POLE: variants seen among roughly 807,000 people sequenced by gnomAD.
The protein encoded by POLE is DNA polymerase epsilon, catalytic subunit, also known as DNA polymerase epsilon catalytic subunit A.
A neutral mutation model predicts 279.2 loss-of-function variants in POLE; 188 were observed. That is an observed-to-expected ratio of 0.67 (90% CI 0.60 to 0.76). POLE has a LOEUF of 0.76. Among genes scored for constraint, POLE ranks in the 30% least tolerant of loss-of-function variants. The pLI, the probability that POLE is intolerant of heterozygous loss-of-function variation, is 0.00. For synonymous variants in POLE, 1,214 were observed against 1,172.5 expected (o/e 1.04, Z -0.72); for missense variants, 2,703 against 3,016.7 (o/e 0.90, Z 2.44).
intron 29 of POLE, chr12:132,650,427 C>T (rs2042396570): frequency 6.5e-6 from 1 of 154,954 alleles, no homozygotes; most frequent in Non-Finnish European, 1.4e-5. Context: ...CTAGCCTGGC[C>T]AACATGGTGA....
Position 132,639,455 on chromosome 12 carries a change from C to T in POLE, c.5379-157G>A, listed in dbSNP as rs575470726. On this transcript the variant is annotated intron_variant, in intron 39 of 48. Coordinates refer to ENST00000320574, the MANE Select transcript of POLE (RefSeq NM_006231.4). This position sits in a 1 kb window ranked among gnomAD's most constrained non-coding sequence, Gnocchi z 4.7. The stretch of plus-strand genomic sequence containing the variant: ...TTCTCACTGTCCCCACCTTAAGTCA[C>T]GGTCCAAATTTCATCCCTTCACCCT... Among the ~76,000 whole-genome samples the T allele has an allele frequency of 9.3e-4, 142 of 152,334 alleles. No homozygotes were observed. The highest frequency in any genetic ancestry group is 3.2e-3 in the African/African-American group (131 of 41,572).
chr12:132,676,065 G>A lies in POLE; in HGVS notation c.1020+29C>T, dbSNP rs369332806. ...ACATGTCCGTTCTTCCCACAATACC[G>A]GGTAGTTTCCCAAGTGATACCTCCT... On this transcript the variant is annotated intron_variant, in intron 10 of 48. Transcript: ENST00000320574. 6.9e-5 allele frequency: 97 copies of A among 1,399,400 alleles called. No homozygotes were observed. In the African/African-American group the frequency reaches 8.9e-4, roughly 13 times the overall value. The allele number at this position is 1,399,400 out of a possible 1,614,324, so 86.7% of individuals were successfully genotyped here.
Position 132,665,428 on chromosome 12 carries a change from G to A in POLE, c.2342C>T (p.Ala781Val), listed in dbSNP as rs1060500855. The change falls in exon 21 of 49, where the codon GCG (alanine) becomes GTG (valine). Residue 781 changes from alanine to valine, a missense_variant. Physicochemically the swap from Ala to Val is moderately conservative, Grantham distance 64 (BLOSUM62 0). Transcript: ENST00000320574. Reference protein sequence around the residue: ...LHKVWKKKLSAAVEVGDAAEV... With the variant: ...LHKVWKKKLSVAVEVGDAAEV... Reference sequence around the variant, plus strand: ...AGCCGCGTCGCCCACCTCCACGGCCGCCGAGAGCTTCTTTTTCCACACCTG... The same window carrying A: ...AGCCGCGTCGCCCACCTCCACGGCCACCGAGAGCTTCTTTTTCCACACCTG... The A allele has an allele frequency of 1.5e-5, 24 of 1,611,486 alleles. No individual in the cohort carries two copies. Among genetic ancestry groups the A allele is most frequent in the Admixed American group, 6.7e-5 (4 of 59,968 alleles).
At position 132,668,349 on chromosome 12, in the gene POLE, C is replaced by T. The variant is rs1300924389; in HGVS notation, c.2173+7G>A. The stretch of plus-strand genomic sequence containing the variant: ...CTTTACAGCCGTGACCATGCCCAGG[C>T]ACTCACCCGCCAGCCTTCTCTTCTC... On this transcript the variant is annotated splice_region_variant and intron_variant, in intron 19 of 48. Transcript: ENST00000320574. The surrounding 1 kb of genome is among the most constrained non-coding windows in gnomAD (Gnocchi z 4.0). 1 of 1,561,168 alleles carries T rather than the reference C, an allele frequency of 6.4e-7. No individual in the cohort carries two copies. The highest frequency in any genetic ancestry group is 8.7e-7 in the Non-Finnish European group (1 of 1,152,222).
At chr12:132,685,710 A>AC (rs1277289716) in intron 1 of POLE, among the ~76,000 whole-genome samples, 1 of 152,104 alleles carries the variant, frequency 6.6e-6, no homozygotes, top group African/African-American at 2.4e-5. Flanking sequence ...GTTCCAACAC[A>AC]CCATGTAGAC....
intron 25 of POLE, 40 bp from the exon 26 acceptor site, chr12:132,659,549 G>A (rs772307945): frequency 3.2e-6 from 5 of 1,563,698 alleles, no homozygotes; most frequent in East Asian, 2.2e-5. Context: ...AGAAATCAAG[G>A]GGCAGAGTCT....
chr12:132,642,330 C>A lies in POLE; in HGVS notation c.5020G>T (p.Ala1674Ser), dbSNP rs774729856. The A allele has an allele frequency of 1.3e-6, 2 of 1,596,424 alleles. No individual in the cohort carries two copies. Among genetic ancestry groups the A allele is most frequent in the South Asian group, 1.1e-5 (1 of 88,326 alleles). ...TGGTTGTGGCGCTGGAGGTGGCGGG[C>A]AAAGAAGAGGTCGGAGCCGAATGTG... ...ISTFGSDLFF[A>S]RHLQRHNHLL... The change falls in exon 38 of 49, where the codon GCC becomes TCC. Residue 1674 changes from alanine (A) to serine (S), a missense_variant. This residue lies in a region of POLE where 1,551 missense variants were observed against 1,686.1 expected (regional missense o/e 0.92). Coordinates refer to ENST00000320574, the MANE Select transcript of POLE (RefSeq NM_006231.4).
chr12:132,681,457 C>T (rs2043167388), intron 1 of POLE, among the ~76,000 whole-genome samples, 178 bp from the exon 2 acceptor site: 1 of 152,056 alleles, frequency 6.6e-6, no homozygotes, highest in South Asian at 2.1e-4. Flanking sequence ...CATTCTCCTG[C>T]CTCAGCCTCC....
intron 41 of POLE, among the ~76,000 whole-genome samples, chr12:132,636,663 G>A (rs1350315797): frequency 6.6e-6 from 1 of 152,084 alleles, no homozygotes; most frequent in Non-Finnish European, 1.5e-5. Context: ...GGCTGAGGTG[G>A]GCAGATAGCT....
intron 45 of POLE, among the ~76,000 whole-genome samples, chr12:132,630,691 C>G (rs900373774): frequency 2.0e-5 from 3 of 152,222 alleles, no homozygotes; most frequent in African/African-American, 7.2e-5. Context: ...TGCACCCCAG[C>G]CTGGGCAATG....
rs575627607 is a variant in POLE, at chr12:132,646,863, A to C, written c.4149+2066T>G. Among the ~76,000 whole-genome samples the C allele has an allele frequency of 1.1e-4, 16 of 151,890 alleles. No homozygotes were observed. In the South Asian group the frequency reaches 3.3e-3, roughly 32 times the overall value. On this transcript the variant is annotated intron_variant, in intron 32 of 48. Transcript: ENST00000320574. ...ACAAACAAACAAATAAAAATAAATA[A>C]ATTTAAAAAATACTCTGTAGAGAAG... is the stretch of plus-strand genomic sequence containing the variant.
At position 132,649,348 on chromosome 12, in the gene POLE, T is replaced by G. The variant is rs2138605903; in HGVS notation, c.3963A>C (p.Arg1321Ser). Residue 1321 changes from arginine to serine, a missense_variant, in exon 31 of 49, where the codon AGA becomes AGC. Around this residue, in one of 5 missense-constraint regions of POLE, gnomAD observed 1,551 missense variants for 1,686.1 expected, o/e 0.92. Transcript: ENST00000320574. ...GAAGGTCCAGGATGCTGCGGGCAGTTCTTCGCAAGAAGCTCCCCAGCCCCG... is the reference window on the plus strand; with the variant it reads ...GAAGGTCCAGGATGCTGCGGGCAGTGCTTCGCAAGAAGCTCCCCAGCCCCG... ...PATGLGSFLR[R>S]TARSILDLPW... 6.2e-7 allele frequency: 1 copy of G among 1,613,576 alleles called. No individual in the cohort carries two copies. Among genetic ancestry groups the G allele is most frequent in the South Asian group, 1.1e-5 (1 of 91,090 alleles).
Position 132,665,457 on chromosome 12 carries a change from A to G in POLE, c.2320-7T>C, listed in dbSNP as rs1593785806. ...AGAGCTTCTTTTTCCACACCTGAGA[A>G]GCACATGAACATGGAGCACCTCACA... On this transcript the variant is annotated splice_polypyrimidine_tract_variant and splice_region_variant and intron_variant, in intron 20 of 48. Transcript: ENST00000320574. The G allele has an allele frequency of 6.2e-7, 1 of 1,606,736 alleles. No homozygotes were observed. The highest frequency in any genetic ancestry group is 8.5e-7 in the Non-Finnish European group (1 of 1,177,512).
Position 132,677,700 on chromosome 12 carries a change from C to T in POLE, c.598G>A (p.Val200Ile), listed in dbSNP as rs770996292. The T allele has an allele frequency of 1.2e-6, 2 of 1,614,118 alleles. No homozygotes were observed. The highest frequency in any genetic ancestry group is 2.2e-5 in the South Asian group (2 of 91,072). ...GAGGTTTCCTCTTCATCAGTAATGACACCGCCCCTCTGCAGAACACTAGGA... is the reference window on the plus strand; with the variant it reads ...GAGGTTTCCTCTTCATCAGTAATGATACCGCCCCTCTGCAGAACACTAGGA... The part of the protein sequence containing the change: ...LLSSVLQRGG[V>I]ITDEEETSKK... The change falls in exon 7 of 49, where the codon GTC becomes ATC. Residue 200 changes from valine to isoleucine, a missense_variant. Physicochemically the swap from Val to Ile is conservative, Grantham distance 29. Transcript: ENST00000320574.
Position 132,659,347 on chromosome 12 carries a change from T to A in POLE, c.3223A>T (p.Ser1075Cys), listed in dbSNP as rs145680387. The A allele has an allele frequency of 3.1e-6, 5 of 1,613,878 alleles. No individual in the cohort carries two copies. Among genetic ancestry groups the A allele is most frequent in the African/African-American group, 1.3e-5 (1 of 74,738 alleles). ...GDQMVKDAGL[S>C]CRYIISRKPE... ...TTGCGGGAGATGATGTAGCGGCAACTCAGCCCTGCATCCTTGACCATCTGG... is the reference window on the plus strand; with the variant it reads ...TTGCGGGAGATGATGTAGCGGCAACACAGCCCTGCATCCTTGACCATCTGG... Residue 1075 changes from serine (S) to cysteine (C), a missense_variant, in exon 26 of 49, where the codon AGT (serine) becomes TGT (cysteine). Ser to Cys is a moderately radical substitution (Grantham distance 112, BLOSUM62 -1). Coordinates refer to ENST00000320574, the MANE Select transcript of POLE (RefSeq NM_006231.4).
chr12:132,644,384 T>C, intron 32 of POLE, among the ~76,000 whole-genome samples: 1 of 129,434 alleles, frequency 7.7e-6, no homozygotes, highest in Non-Finnish European at 1.6e-5. Flanking sequence ...CAGGCTGGTC[T>C]CAAACTCCTG....
chr12:132,680,789 C>G lies in POLE; in HGVS notation c.205-102G>C. ...AAACTCAGCACTTTAGAAACAAACC[C>G]TCTCATCTAGGTCTTTACTCCACCC... On this transcript the variant is annotated intron_variant, in intron 2 of 48. Coordinates refer to ENST00000320574, the MANE Select transcript of POLE (RefSeq NM_006231.4). 3 of 900,362 alleles carry G rather than the reference C, an allele frequency of 3.3e-6. No homozygotes were observed. The East Asian group carries it at 7.2e-5, about 22-fold the overall frequency. The allele number at this position is 900,362 out of a possible 1,614,324, so 55.8% of individuals were successfully genotyped here. A position where few individuals can be genotyped will look rare whatever the true frequency, so the allele number is the denominator to read the frequency against.
At chr12:132,650,260 G>A (rs1056469520) in intron 29 of POLE, 1 of 255,968 alleles carries the variant, frequency 3.9e-6, no homozygotes, top group Non-Finnish European at 7.7e-6. Flanking sequence ...TCTACTTCTC[G>A]AAATCTAGTA....
At chr12:132,672,484 G>C (rs2042952101) in intron 15 of POLE, 143 bp downstream of exon 15, 1 of 1,063,032 alleles carries the variant, frequency 9.4e-7, no homozygotes, top group Non-Finnish European at 1.4e-6. Context: ...AGCCCCCGGG[G>C]GGTGCTGGGC....
Sources: allele counts gnomAD v4.1 joint callset (sites outside exome capture counted in the v4.1 genomes callset), GRCh38; gene constraint gnomAD v4.1.1; regional missense constraint gnomAD v4.1.1; non-coding constraint Gnocchi (gnomAD v3.1); transcripts MANE v1.5; gene names NCBI Gene and HGNC (gene_info 2026-07-23, HGNC 2026-07-21).